The following ZNF641 variants were observed in gnomAD, a reference collection of about 807,000 sequenced individuals.
ZNF641 encodes zinc finger protein 641.
In ZNF641, 26 loss-of-function variants were observed where a neutral mutation model predicts 46.2. The observed-to-expected ratio is 0.56, with a 90% CI of 0.41 to 0.78. The LOEUF is 0.78. Among genes scored for constraint, ZNF641 ranks in the 30% least tolerant of loss-of-function variants. The pLI, the probability that ZNF641 is intolerant of heterozygous loss-of-function variation, is 0.00. For missense variants in ZNF641, 469 were observed against 517.8 expected (o/e 0.91, Z 0.91); for synonymous variants, 163 against 187.9 (o/e 0.87, Z 1.09).
In ZNF641 at chr12:48,339,921, T is replaced by A. The variant is rs566247571; in HGVS notation, c.*3052A>T. On this transcript the variant is annotated 3_prime_UTR_variant, in exon 6 of 6. Coordinates refer to ENST00000547026, the MANE Select transcript of ZNF641 (RefSeq NM_001172681.2). The stretch of plus-strand genomic sequence containing the variant: ...GCAAGGGATTCTTTGAAAGATACTA[T>A]GTTGGGGTGGAAAGGGGAGGATACT... 173 of 984,622 alleles carry A rather than the reference T, an allele frequency of 1.8e-4. No individual in the cohort carries two copies. The African/African-American group carries it at 2.7e-3, about 15-fold the overall frequency. 61.0% of individuals were successfully genotyped at this position (984,622 alleles called of 1,614,324 possible).
In ZNF641 at chr12:48,340,003, C is replaced by G. The variant is rs1952682351; in HGVS notation, c.*2970G>C. ...TGTGACAGGTTCCTGAAGATGATAT[C>G]CCTGTTTTACATTTTGCCCAAAGAG... On this transcript the variant is annotated 3_prime_UTR_variant, in exon 6 of 6. Transcript: ENST00000547026. 1 of 985,264 alleles carries G rather than the reference C, an allele frequency of 1.0e-6. No individual in the cohort carries two copies. The highest frequency in any genetic ancestry group is 1.7e-5 in the African/African-American group (1 of 57,222). The allele number at this position is 985,264 out of a possible 1,614,324, so 61.0% of individuals were successfully genotyped here. A position where few individuals can be genotyped will look rare whatever the true frequency, so the allele number is the denominator to read the frequency against.
Position 48,343,010 on chromosome 12 carries a change from G to A in ZNF641, c.1238C>T (p.Pro413Leu), listed in dbSNP as rs779128026. 40 of 1,614,104 alleles carry A rather than the reference G, an allele frequency of 2.5e-5. No individual in the cohort carries two copies. The highest frequency in any genetic ancestry group is 3.2e-5 in the Non-Finnish European group (38 of 1,179,958). Residue 413 changes from proline (P) to leucine (L), a missense_variant, in exon 6 of 6, where the codon CCC (proline) becomes CTC (leucine). By Grantham distance (98) the Pro-to-Leu change is moderately conservative. Around this residue, in one of 3 missense-constraint regions of ZNF641, gnomAD observed 346 missense variants for 354.0 expected, o/e 0.98. Coordinates refer to ENST00000547026, the MANE Select transcript of ZNF641 (RefSeq NM_001172681.2). ...RHLLTHQGQS[P>L]RNSWDRGTSV... ...TGTTCCTCTGTCCCAGCTGTTCCGG[G>A]GACTTTGTCCCTGGTGGGTGAGCAG...
chr12:48,339,412 T>TAG lies in ZNF641; in HGVS notation c.*3560_*3561insCT, dbSNP rs1952670488. 6.6e-6 allele frequency: 1 copy of TAG among 152,180 alleles called. No individual in the cohort carries two copies. The highest frequency in any genetic ancestry group is 2.4e-5 in the African/African-American group (1 of 41,430). The allele number at this position is 152,180 out of a possible 1,614,324, so 9.4% of individuals were successfully genotyped here. Reference sequence around the variant, plus strand: ...CCTTCCCGAGTTTCTGATTCAGTAGTTCTCCTGGGGCGGGGGCTAAGAATT... The same window carrying TAG: ...CCTTCCCGAGTTTCTGATTCAGTAGTAGTCTCCTGGGGCGGGGGCTAAGAATT... On this transcript the variant is annotated 3_prime_UTR_variant, in exon 6 of 6. Transcript: ENST00000547026.
downstream of ZNF641, among the ~76,000 whole-genome samples, chr12:48,336,037 T>G (rs1175744156): frequency 2.0e-5 from 3 of 152,248 alleles, no homozygotes; most frequent in Non-Finnish European, 2.9e-5. Flanking sequence ...TGAAAAACAC[T>G]TAACAGAAAC....
At chr12:48,334,758 C>T (rs182295442), downstream of ZNF641, among the ~76,000 whole-genome samples, 1 of 152,212 alleles carries the variant, frequency 6.6e-6, no homozygotes, top group East Asian at 1.9e-4. Flanking sequence ...ATGTTTTTAC[C>T]TAAAGAAACA....
chr12:48,341,200 T>C lies in ZNF641; in HGVS notation c.*1773A>G. 1 of 985,444 alleles carries C rather than the reference T, an allele frequency of 1.0e-6. No individual in the cohort carries two copies. The highest frequency in any genetic ancestry group is 1.2e-6 in the Non-Finnish European group (1 of 829,936). 61.0% of individuals were successfully genotyped at this position (985,444 alleles called of 1,614,324 possible). ...CAGTCGCTAAACTAAATTGGTGCAA[T>C]TCACTTCCTCTTGCCTCTCTGGTTC... On this transcript the variant is annotated 3_prime_UTR_variant, in exon 6 of 6. Transcript: ENST00000547026.
intron 1 of ZNF641, among the ~76,000 whole-genome samples, chr12:48,348,672 T>C (rs1186592538): frequency 1.3e-5 from 2 of 152,178 alleles, no homozygotes; most frequent in Admixed American, 6.5e-5. Context: ...GGGACAAGCC[T>C]CAATAAAAAG....
rs150055895 is a variant in ZNF641, at chr12:48,347,317, T to C, written c.211A>G (p.Ile71Val). 304 of 1,613,164 alleles carry C rather than the reference T, an allele frequency of 1.9e-4. 3 individuals carry two copies. In the African/African-American group the frequency reaches 3.2e-3, roughly 17 times the overall value. The change falls in exon 3 of 6, where the codon ATT (isoleucine) becomes GTT (valine). Residue 71 changes from isoleucine (I) to valine (V), a missense_variant. By Grantham distance (29) the Ile-to-Val change is conservative. Transcript: ENST00000547026. ...TCTCCAGTGTTCCCCTCCTGGGGAA[T>C]TGCAGGAACCCAGGGAGCAGACTGA... The part of the protein sequence containing the change: ...KAQSAPWVPA[I>V]PQEGNTGDWE...
At chr12:48,335,971 G>T (rs560452274), downstream of ZNF641, among the ~76,000 whole-genome samples, 1 of 152,242 alleles carries the variant, frequency 6.6e-6, no homozygotes, top group African/African-American at 2.4e-5. Flanking sequence ...ATCATTGTTG[G>T]ATTTGAGTTG....
Position 48,341,210 on chromosome 12 carries a change from C to T in ZNF641, c.*1763G>A. ...ACTAAATTGGTGCAATTCACTTCCT[C>T]TTGCCTCTCTGGTTCATTCCACCAA... On this transcript the variant is annotated 3_prime_UTR_variant, in exon 6 of 6. Coordinates refer to ENST00000547026, the MANE Select transcript of ZNF641 (RefSeq NM_001172681.2). 7 of 985,454 alleles carry T rather than the reference C, an allele frequency of 7.1e-6. No homozygotes were observed. Among genetic ancestry groups the T allele is most frequent in the Non-Finnish European group, 8.4e-6 (7 of 829,934 alleles). 61.0% of individuals were successfully genotyped at this position (985,454 alleles called of 1,614,324 possible). A position where few individuals can be genotyped will look rare whatever the true frequency, so the allele number is the denominator to read the frequency against.
downstream of ZNF641, among the ~76,000 whole-genome samples, chr12:48,335,304 A>C (rs1470516775): frequency 6.6e-6 from 1 of 152,160 alleles, no homozygotes; most frequent in African/African-American, 2.4e-5. Context: ...TGGTCATGGG[A>C]CAAGAACTCA....
At chr12:48,350,243 A>T in intron 1 of ZNF641, 2 of 1,457,228 alleles carry the variant, frequency 1.4e-6, no homozygotes, top group Non-Finnish European at 1.8e-6. Flanking sequence ...TTCTGCAGCC[A>T]GTGCTGATGA....
chr12:48,342,612 G>T lies in ZNF641; in HGVS notation c.*361C>A. 2.6e-6 allele frequency: 1 copy of T among 385,884 alleles called. No individual in the cohort carries two copies. Among genetic ancestry groups the T allele is most frequent in the Non-Finnish European group, 3.8e-6 (1 of 265,262 alleles). The allele number at this position is 385,884 out of a possible 1,614,324, so 23.9% of individuals were successfully genotyped here. On this transcript the variant is annotated 3_prime_UTR_variant, in exon 6 of 6. Transcript: ENST00000547026. Reference sequence around the variant, plus strand: ...ATATAGAGAAAATATAATAGTAACAGTATGCAAGAGTGATACTCAAAATGT... The same window carrying T: ...ATATAGAGAAAATATAATAGTAACATTATGCAAGAGTGATACTCAAAATGT...
At chr12:48,347,878 T>C in intron 2 of ZNF641, 29 bp downstream of exon 2, 1 of 1,607,208 alleles carries the variant, frequency 6.2e-7, no homozygotes, top group East Asian at 2.2e-5. Context: ...CTATGCACTG[T>C]GCTTCCCACA....
Position 48,342,413 on chromosome 12 carries a change from C to T in ZNF641, c.*560G>A. 2 of 986,612 alleles carry T rather than the reference C, an allele frequency of 2.0e-6. No homozygotes were observed. The highest frequency in any genetic ancestry group is 9.4e-5 in the South Asian group (2 of 21,336). The allele number at this position is 986,612 out of a possible 1,614,324, so 61.1% of individuals were successfully genotyped here. A position where few individuals can be genotyped will look rare whatever the true frequency, so the allele number is the denominator to read the frequency against. On this transcript the variant is annotated 3_prime_UTR_variant, in exon 6 of 6. Coordinates refer to ENST00000547026, the MANE Select transcript of ZNF641 (RefSeq NM_001172681.2). Reference sequence around the variant, plus strand: ...CACTATCTCTTGTTTCCTTGTTACTCTCTAACCCAGTGTTCACCAGAGTGT... The same window carrying T: ...CACTATCTCTTGTTTCCTTGTTACTTTCTAACCCAGTGTTCACCAGAGTGT...
rs780641932 is a variant in ZNF641 at position 48,342,785 on chromosome 12, C to A, written c.*188G>T. 5 of 1,415,920 alleles carry A rather than the reference C, an allele frequency of 3.5e-6. No individual in the cohort carries two copies. Among genetic ancestry groups the A allele is most frequent in the Non-Finnish European group, 4.6e-6 (5 of 1,090,440 alleles). The allele number at this position is 1,415,920 out of a possible 1,614,324, so 87.7% of individuals were successfully genotyped here. ...TCCCAAAAGTTTTGCCCAAAGAACT[C>A]TATTTTTATGTGCTATCTCACAGAA... On this transcript the variant is annotated 3_prime_UTR_variant, in exon 6 of 6. Coordinates refer to ENST00000547026, the MANE Select transcript of ZNF641 (RefSeq NM_001172681.2).
chr12:48,341,009 G>A lies in ZNF641; in HGVS notation c.*1964C>T. The A allele has an allele frequency of 1.0e-6, 1 of 984,862 alleles. No individual in the cohort carries two copies. The highest frequency in any genetic ancestry group is 1.2e-6 in the Non-Finnish European group (1 of 829,362). The allele number at this position is 984,862 out of a possible 1,614,324, so 61.0% of individuals were successfully genotyped here. On this transcript the variant is annotated 3_prime_UTR_variant, in exon 6 of 6. Transcript: ENST00000547026. ...AGAACTGCATTCCAGGAAGAATGAA[G>A]GAAGAAGGAAGGCTGCTCACAGTAG...
intron 1 of ZNF641, among the ~76,000 whole-genome samples, chr12:48,348,800 T>A (rs967890367): frequency 1.3e-5 from 2 of 152,216 alleles, no homozygotes; most frequent in Non-Finnish European, 2.9e-5. Flanking sequence ...ATTGTTGGTC[T>A]GTGAGGAGCT....
At chr12:48,349,067 G>C (rs1390486816) in intron 1 of ZNF641, among the ~76,000 whole-genome samples, 2 of 152,180 alleles carry the variant, frequency 1.3e-5, no homozygotes, top group East Asian at 1.9e-4. Context: ...GTCGGATGTA[G>C]TTTTCTCTGT....
Sources: gnomAD v4.1 joint callset for allele counts (sites outside exome capture counted in the v4.1 genomes callset) on GRCh38, gnomAD v4.1.1 for gene constraint, gnomAD v4.1.1 regional missense constraint, MANE v1.5 for transcripts, NCBI Gene and HGNC (gene_info 2026-07-23, HGNC 2026-07-21) for gene names.